The following VSTM2L variants were observed in gnomAD, a reference collection of about 807,000 sequenced individuals.
The protein encoded by VSTM2L is V-set and transmembrane domain containing 2 like.
A neutral mutation model predicts 19.9 loss-of-function variants in VSTM2L; 9 were observed. The ratio of observed to expected loss-of-function variants is 0.45; its 90% CI spans 0.27 to 0.79. The LOEUF (loss-of-function observed/expected upper bound fraction) is 0.79. VSTM2L is among the 30% of genes least tolerant of loss of function. The pLI, the probability that VSTM2L is intolerant of heterozygous loss-of-function variation, is 0.15. For missense variants in VSTM2L, 286 were observed against 295.5 expected, an observed-to-expected ratio of 0.97 and a Z score of 0.24; for synonymous variants, 127 against 133.8, an observed-to-expected ratio of 0.95 and a Z score of 0.35.
intron 1 of VSTM2L, among the ~76,000 whole-genome samples, chr20:37,917,765 C>T (rs1325267846): frequency 2.6e-5 from 4 of 152,178 alleles, no homozygotes; most frequent in African/African-American, 7.2e-5. Context: ...CTGAGCTCTG[C>T]GGAGCCTGGG....
chr20:37,905,249 G>A (rs11907798), intron 1 of VSTM2L, among the ~76,000 whole-genome samples: 41,970 of 151,966 alleles, frequency 0.28, 8,173 homozygotes, highest in African/African-American at 0.56. Context: ...TTTCCATGGA[G>A]GGCCTTCCCT....
intron 1 of VSTM2L, among the ~76,000 whole-genome samples, chr20:37,922,483 GGT>G (rs2122956549): frequency 6.6e-6 from 1 of 152,244 alleles, no homozygotes; most frequent in African/African-American, 2.4e-5. Context: ...GGTGACCAAG[GGT>G]TCAGTGGGGC....
At chr20:37,929,818 C>A (rs1414516523) in intron 1 of VSTM2L, among the ~76,000 whole-genome samples, 1 of 151,840 alleles carries the variant, frequency 6.6e-6, no homozygotes, top group East Asian at 1.9e-4. Flanking sequence ...AGGGAGGGAG[C>A]CCAGGGTGAC....
At chr20:37,914,833 C>T (rs1258517779) in intron 1 of VSTM2L, among the ~76,000 whole-genome samples, 8 of 152,162 alleles carry the variant, frequency 5.3e-5, no homozygotes, top group Non-Finnish European at 1.0e-4. Context: ...ACCCTATGTT[C>T]CCCCAGCCCG....
chr20:37,914,205 A>ATG (rs962479434), intron 1 of VSTM2L, among the ~76,000 whole-genome samples: 7 of 146,156 alleles, frequency 4.8e-5, no homozygotes, highest in African/African-American at 7.6e-5. Context: ...GTGTGCATGT[A>ATG]TGTGTGTGTA....
chr20:37,927,885 C>T (rs2072887483), intron 1 of VSTM2L, among the ~76,000 whole-genome samples: 2 of 152,206 alleles, frequency 1.3e-5, no homozygotes, highest in African/African-American at 4.8e-5. Context: ...CCCACCTCAC[C>T]CGTGTCTGGG....
intron 1 of VSTM2L, among the ~76,000 whole-genome samples, chr20:37,919,196 C>T (rs1465762754): frequency 6.6e-6 from 1 of 152,234 alleles, no homozygotes; most frequent in Non-Finnish European, 1.5e-5. Context: ...GAGGCAGACA[C>T]CTCCCACCAA....
chr20:37,923,030 T>C (rs2072860971), intron 1 of VSTM2L, among the ~76,000 whole-genome samples: 1 of 152,184 alleles, frequency 6.6e-6, no homozygotes, highest in African/African-American at 2.4e-5. Context: ...GTGCTGTTTA[T>C]TGAGCACCTA....
chr20:37,937,737 C>T (rs569262281), intron 3 of VSTM2L, among the ~76,000 whole-genome samples: 8 of 152,242 alleles, frequency 5.3e-5, no homozygotes, highest in South Asian at 4.1e-4. Context: ...CTGTGAGAGA[C>T]GGGTGTTAAT....
At chr20:37,925,171 A>G (rs925990193) in intron 1 of VSTM2L, among the ~76,000 whole-genome samples, 5 of 151,966 alleles carry the variant, frequency 3.3e-5, no homozygotes, top group African/African-American at 9.7e-5. Context: ...CTTTGCTCAC[A>G]GGGTTCCTGC....
intron 3 of VSTM2L, among the ~76,000 whole-genome samples, chr20:37,935,934 G>A (rs1350375999): frequency 1.1e-4 from 17 of 151,002 alleles, no homozygotes; most frequent in Admixed American, 7.3e-4. Context: ...ACCCAGGCTG[G>A]AGTGCAGTGG....
chr20:37,931,831 C>G (rs200591874), intron 2 of VSTM2L, 27 bp downstream of exon 2: 2 of 1,605,606 alleles, frequency 1.2e-6, no homozygotes, highest in Non-Finnish European at 1.7e-6. Flanking sequence ...GATGCCCAAG[C>G]TGGGCTGGGG....
intron 3 of VSTM2L, among the ~76,000 whole-genome samples, chr20:37,935,889 T>C (rs1164180262): frequency 6.6e-6 from 1 of 151,382 alleles, no homozygotes; most frequent in East Asian, 1.9e-4. Flanking sequence ...CACAGATTTT[T>C]TTTTTTTTTT....
At chr20:37,924,052 G>C (rs6021896) in intron 1 of VSTM2L, among the ~76,000 whole-genome samples, 12,771 of 152,066 alleles carry the variant, frequency 0.084, 1,687 homozygotes, top group African/African-American at 0.29. Context: ...GCCTGGGCAA[G>C]ATAGCGAGAC....
intron 1 of VSTM2L, among the ~76,000 whole-genome samples, chr20:37,915,734 C>CT (rs1188210515): frequency 6.6e-6 from 1 of 151,264 alleles, no homozygotes; most frequent in Non-Finnish European, 1.5e-5. Context: ...GTGGCAGGGG[C>CT]TGGGGCTGGG....
At chr20:37,938,032 T>C (rs1298961825) in intron 3 of VSTM2L, among the ~76,000 whole-genome samples, 1 of 152,084 alleles carries the variant, frequency 6.6e-6, no homozygotes, top group African/African-American at 2.4e-5. Flanking sequence ...GAGTTTAAGT[T>C]AGGGACATTT....
chr20:37,925,525 C>T (rs2072874890), intron 1 of VSTM2L, among the ~76,000 whole-genome samples: 1 of 152,206 alleles, frequency 6.6e-6, no homozygotes, highest in African/African-American at 2.4e-5. Context: ...CCCTCCGGGG[C>T]AGCTTGGGGT....
intron 1 of VSTM2L, among the ~76,000 whole-genome samples, chr20:37,914,717 G>C (rs994472165): frequency 1.3e-5 from 2 of 152,092 alleles, no homozygotes; most frequent in African/African-American, 2.4e-5. Flanking sequence ...AGCAGGCATC[G>C]GGCTCCCATT....
rs182858541 is a variant in VSTM2L at position 37,938,462 on chromosome 20, C to T, written c.342+4873C>T. 2.3e-4 allele frequency among the ~76,000 whole-genome samples: 35 copies of T among 152,296 alleles called. No homozygotes were observed. In the East Asian group the frequency reaches 5.2e-3, roughly 23 times the overall value. ...CCCAGCACCTTCCCTGGGGCCTCCA[C>T]CTCTGCCAGGAGGCCACGTGAAGGC... On this transcript the variant is annotated intron_variant, in intron 3 of 3. Coordinates refer to ENST00000373461, the MANE Select transcript of VSTM2L (RefSeq NM_080607.3).
Sources: gnomAD v4.1 joint callset for allele counts (sites outside exome capture counted in the v4.1 genomes callset) on GRCh38, gnomAD v4.1.1 for gene constraint, MANE v1.5 for transcripts, NCBI Gene and HGNC (gene_info 2026-07-23, HGNC 2026-07-21) for gene names.